Variants in LRP1B observed in about 807,000 individuals in gnomAD.
The protein encoded by LRP1B is LDL receptor related protein 1B, also known as low-density lipoprotein receptor-related protein 1B.
LRP1B carries 217 observed loss-of-function variants against 556.6 expected under a neutral mutation model. That is an observed-to-expected ratio of 0.39 (90% confidence interval 0.35 to 0.44). The LOEUF (loss-of-function observed/expected upper bound fraction) is 0.44. Ranked by LOEUF, LRP1B falls within the 20% of genes least tolerant of loss-of-function variation. The pLI is 1.00. For missense variants in LRP1B, 5,053 were observed against 5,620.8 expected (o/e 0.90, Z 3.23); for synonymous variants, 2,047 against 1,865.8 (o/e 1.10, Z -2.50).
intron 83 of LRP1B, among the ~76,000 whole-genome samples, chr2:140,306,877 A>G (rs987187374): frequency 3.9e-5 from 6 of 152,116 alleles, no homozygotes; most frequent in African/African-American, 9.7e-5. Flanking sequence ...CATTGGTTCC[A>G]AAGAACATTT....
chr2:141,895,048 C>CAAAAAAA (rs369108197), intron 1 of LRP1B, among the ~76,000 whole-genome samples: 4 of 78,458 alleles, frequency 5.1e-5, no homozygotes, highest in Non-Finnish European at 9.8e-5. Flanking sequence ...AACTCCATCT[C>CAAAAAAA]AAAAAAAAAA....
chr2:140,791,273 A>G (rs1007944508), intron 32 of LRP1B, among the ~76,000 whole-genome samples: 1 of 151,750 alleles, frequency 6.6e-6, no homozygotes, highest in African/African-American at 2.4e-5. Context: ...AAAACAAAAC[A>G]AAAAAACCAG....
chr2:141,376,745 G>T (rs893413919), intron 3 of LRP1B, among the ~76,000 whole-genome samples: 1 of 151,916 alleles, frequency 6.6e-6, no homozygotes, highest in Non-Finnish European at 1.5e-5. Flanking sequence ...TCAAAAGAAA[G>T]AAATAACACA....
chr2:140,671,166 T>C (rs749493953), intron 41 of LRP1B, among the ~76,000 whole-genome samples: 16 of 152,248 alleles, frequency 1.1e-4, no homozygotes, highest in Non-Finnish European at 2.4e-4. Context: ...ATCTGTATCA[T>C]TGAGCTAAAA....
chr2:141,767,385 A>G lies in LRP1B; in HGVS notation c.205+42894T>C, dbSNP rs181035027. Among the ~76,000 whole-genome samples, 568 of 152,202 alleles carry G rather than the reference A, an allele frequency of 3.7e-3. 1 individual carries two copies. Among genetic ancestry groups the G allele is most frequent in the Admixed American group, 7.3e-3 (112 of 15,284 alleles). ...GTCTGCAGCCACTTCTTAACCAAGC[A>G]GGAGAAAGCATGTAATTACTAAAGT... On this transcript the variant is annotated intron_variant, in intron 2 of 90. Coordinates refer to ENST00000389484, the MANE Select transcript of LRP1B (RefSeq NM_018557.3).
intron 2 of LRP1B, among the ~76,000 whole-genome samples, chr2:141,554,090 AT>A (rs201955804): frequency 0.077 from 10,952 of 142,132 alleles, 587 homozygotes; most frequent in South Asian, 0.16. Context: ...AGACATATAG[AT>A]TATATATATC....
intron 1 of LRP1B, among the ~76,000 whole-genome samples, chr2:141,972,124 T>C (rs1701759109): frequency 6.6e-6 from 1 of 151,598 alleles, no homozygotes; most frequent in South Asian, 2.1e-4. Flanking sequence ...AACAAATACA[T>C]GTATATTATT....
chr2:141,567,793 AG>A (rs1686386336), intron 2 of LRP1B, among the ~76,000 whole-genome samples: 1 of 89,364 alleles, frequency 1.1e-5, no homozygotes, highest in Non-Finnish European at 2.9e-5. Flanking sequence ...AGAATTTCTT[AG>A]GGTTAAATGT....
intron 43 of LRP1B, among the ~76,000 whole-genome samples, chr2:140,572,501 G>C (rs2105109750): frequency 6.6e-6 from 1 of 151,604 alleles, no homozygotes; most frequent in East Asian, 1.9e-4. Flanking sequence ...AATAACAAAT[G>C]TGTGGAAAGG....
intron 1 of LRP1B, among the ~76,000 whole-genome samples, chr2:142,127,513 T>C (rs898677934): frequency 1.3e-5 from 2 of 151,942 alleles, no homozygotes; most frequent in African/African-American, 4.8e-5. Context: ...CACATTTAAA[T>C]TCTTTCTTTA....
intron 18 of LRP1B, among the ~76,000 whole-genome samples, chr2:140,959,585 T>C (rs1458975872): frequency 6.6e-6 from 1 of 151,630 alleles, no homozygotes; most frequent in Non-Finnish European, 1.5e-5. Flanking sequence ...TTTGATAACT[T>C]AGAAATGCCA....
At chr2:140,843,067 G>GTTTTTTTTTTT (rs1232129942) in intron 29 of LRP1B, among the ~76,000 whole-genome samples, 3 of 10,638 alleles carry the variant, frequency 2.8e-4, no homozygotes, top group African/African-American at 4.7e-4. Flanking sequence ...TTTTTTTTTT[G>GTTTTTTTTTTT]TTTTTTTTTT....
chr2:141,282,843 G>A (rs962073251), intron 3 of LRP1B, among the ~76,000 whole-genome samples: 3 of 152,148 alleles, frequency 2.0e-5, no homozygotes, highest in Non-Finnish European at 4.4e-5. Context: ...CAAATGGTAA[G>A]TAGTAGAAAT....
intron 86 of LRP1B, among the ~76,000 whole-genome samples, chr2:140,262,318 T>A (rs1681983333): frequency 6.6e-6 from 1 of 152,146 alleles, no homozygotes; most frequent in South Asian, 2.1e-4. Context: ...AAAAAAGACC[T>A]AGTGCCACAA....
At chr2:140,807,779 A>T (rs913393629) in intron 32 of LRP1B, among the ~76,000 whole-genome samples, 2 of 152,226 alleles carry the variant, frequency 1.3e-5, no homozygotes, top group Admixed American at 1.3e-4. Context: ...ATTAGAAAGC[A>T]GAAACTTTTG....
intron 59 of LRP1B, among the ~76,000 whole-genome samples, chr2:140,477,046 T>G (rs1688005277): frequency 6.6e-6 from 1 of 152,054 alleles, no homozygotes; most frequent in South Asian, 2.1e-4. Context: ...GAAATACATC[T>G]TCTAAGAAAA....
intron 1 of LRP1B, among the ~76,000 whole-genome samples, chr2:141,902,670 G>A (rs1699653993): frequency 6.6e-6 from 1 of 151,954 alleles, no homozygotes; most frequent in South Asian, 2.1e-4. Flanking sequence ...ATGATTCAGA[G>A]CCAATATGAA....
At chr2:141,319,003 C>T (rs911068554) in intron 3 of LRP1B, among the ~76,000 whole-genome samples, 1 of 151,998 alleles carries the variant, frequency 6.6e-6, no homozygotes, top group Non-Finnish European at 1.5e-5. Context: ...AATTAAATTC[C>T]TATAGTTTTC....
intron 1 of LRP1B, among the ~76,000 whole-genome samples, chr2:142,010,414 C>T (rs1702919441): frequency 6.6e-6 from 1 of 151,442 alleles, no homozygotes; most frequent in Admixed American, 6.6e-5. Flanking sequence ...ATTAGCCGGG[C>T]GTGGTGGCGG....
Sources: gnomAD v4.1 joint callset for allele counts (sites outside exome capture counted in the v4.1 genomes callset) on GRCh38, gnomAD v4.1.1 for gene constraint, MANE v1.5 for transcripts, NCBI Gene and HGNC (gene_info 2026-07-23, HGNC 2026-07-21) for gene names.